The following MLLT3 variants were observed in gnomAD, a reference collection of about 807,000 sequenced individuals.
The protein encoded by MLLT3 is protein AF-9.
A neutral mutation model predicts 53.2 loss-of-function variants in MLLT3; 4 were observed. The observed-to-expected ratio is 0.08, with a 90% CI of 0.04 to 0.17. The LOEUF (loss-of-function observed/expected upper bound fraction) is 0.17. Among genes scored for constraint, MLLT3 ranks in the 10% least tolerant of loss-of-function variants. The probability of loss-of-function intolerance (pLI) is 1.00; values close to 1 mark genes in which losing one functional copy is unlikely to be tolerated. For missense variants in MLLT3, 569 were observed against 684.0 expected, an observed-to-expected ratio of 0.83 and a Z score of 1.87; for synonymous variants, 283 against 230.6, an observed-to-expected ratio of 1.23 and a Z score of -2.06.
rs541939524 is a variant in MLLT3 at position 20,344,707 on chromosome 9, AAC to A, written c.*1734_*1735del. 8.5e-4 allele frequency: 175 copies of A among 206,724 alleles called. No individual in the cohort carries two copies. The highest frequency in any genetic ancestry group is 3.1e-3 in the African/African-American group (138 of 44,044). 12.8% of individuals were successfully genotyped at this position (206,724 alleles called of 1,614,324 possible). ...AAAATAGTTTCTTTGGATAGAAAGA[AAC>A]AGTGTAAAAAATCCCCTTTTTAAAA... On this transcript the variant is annotated 3_prime_UTR_variant, in exon 11 of 11. Transcript: ENST00000380338.
intron 4 of MLLT3, among the ~76,000 whole-genome samples, chr9:20,419,768 G>A (rs1449389418): frequency 6.6e-6 from 1 of 152,108 alleles, no homozygotes; most frequent in Non-Finnish European, 1.5e-5. Context: ...ATCAACCACT[G>A]TCCCCGCCAA....
intron 2 of MLLT3, among the ~76,000 whole-genome samples, chr9:20,466,422 A>G (rs958025176): frequency 6.6e-6 from 1 of 152,200 alleles, no homozygotes; most frequent in Non-Finnish European, 1.5e-5. Flanking sequence ...GTTCAAACGC[A>G]TTTACATTAT....
chr9:20,524,466 T>C (rs1178278697), intron 2 of MLLT3, among the ~76,000 whole-genome samples: 1 of 151,916 alleles, frequency 6.6e-6, no homozygotes, highest in Non-Finnish European at 1.5e-5. Flanking sequence ...ATCAAAATCA[T>C]CTTCCATACT....
intron 2 of MLLT3, among the ~76,000 whole-genome samples, chr9:20,518,585 A>C (rs546335931): frequency 1.0e-3 from 152 of 152,308 alleles, no homozygotes; most frequent in Non-Finnish European, 1.6e-3. Context: ...CATAAAGATA[A>C]AATAAAATTT....
At chr9:20,351,023 G>A (rs1197844941) in intron 10 of MLLT3, among the ~76,000 whole-genome samples, 2 of 152,142 alleles carry the variant, frequency 1.3e-5, no homozygotes, top group Non-Finnish European at 2.9e-5. Flanking sequence ...ACTATGGTCT[G>A]GAAAGCACGG....
At chr9:20,556,683 AAAAT>A (rs893637628) in intron 2 of MLLT3, among the ~76,000 whole-genome samples, 2 of 152,084 alleles carry the variant, frequency 1.3e-5, no homozygotes, top group East Asian at 1.9e-4. Context: ...ACTCCATCTC[AAAAT>A]AAATAAATAA....
At chr9:20,417,310 T>C (rs1392731065) in intron 4 of MLLT3, among the ~76,000 whole-genome samples, 1 of 148,038 alleles carries the variant, frequency 6.8e-6, no homozygotes, top group African/African-American at 2.4e-5. Flanking sequence ...TGACACAGAT[T>C]AAAAGCTTTC....
chr9:20,370,739 G>C (rs371699825), intron 5 of MLLT3, among the ~76,000 whole-genome samples: 58 of 152,232 alleles, frequency 3.8e-4, no homozygotes, highest in Non-Finnish European at 7.9e-4. Context: ...TCGAACTCTT[G>C]ACCTCAGGTG....
chr9:20,397,986 C>G (rs1462061721), intron 5 of MLLT3, among the ~76,000 whole-genome samples: 1 of 152,146 alleles, frequency 6.6e-6, no homozygotes, highest in East Asian at 1.9e-4. Context: ...TTGTTTCTGT[C>G]ACTATGCTAG....
intron 2 of MLLT3, among the ~76,000 whole-genome samples, chr9:20,528,680 A>C (rs1224632613): frequency 1.3e-5 from 2 of 152,180 alleles, no homozygotes; most frequent in Admixed American, 6.5e-5. Context: ...GTGTCTGTCA[A>C]ATCTCACCCT....
chr9:20,407,296 C>CA (rs1488014105), intron 5 of MLLT3, among the ~76,000 whole-genome samples: 1 of 152,132 alleles, frequency 6.6e-6, no homozygotes, highest in Non-Finnish European at 1.5e-5. Flanking sequence ...ACTCTGGAAA[C>CA]AGAAAAATAA....
chr9:20,458,997 T>C (rs1824042062), intron 2 of MLLT3, among the ~76,000 whole-genome samples: 1 of 152,138 alleles, frequency 6.6e-6, no homozygotes, highest in African/African-American at 2.4e-5. Flanking sequence ...CTGGATTGAA[T>C]ATTCTCTAGA....
At chr9:20,594,716 T>C (rs1208988074) in intron 2 of MLLT3, among the ~76,000 whole-genome samples, 2 of 152,162 alleles carry the variant, frequency 1.3e-5, no homozygotes, top group Non-Finnish European at 2.9e-5. Flanking sequence ...AAGAAGGCGA[T>C]GAAAGTGACC....
intron 2 of MLLT3, among the ~76,000 whole-genome samples, chr9:20,500,917 T>C (rs989419475): frequency 2.0e-5 from 3 of 152,212 alleles, no homozygotes; most frequent in African/African-American, 7.2e-5. Flanking sequence ...GGTTACACTC[T>C]AGCCCTCCCA....
At chr9:20,447,114 T>C (rs1248724350) in intron 4 of MLLT3, among the ~76,000 whole-genome samples, 1 of 152,168 alleles carries the variant, frequency 6.6e-6, no homozygotes, top group African/African-American at 2.4e-5. Flanking sequence ...TTTCTCATAA[T>C]AGGAACAATA....
At chr9:20,374,028 AGTTTC>A (rs1453104694) in intron 5 of MLLT3, among the ~76,000 whole-genome samples, 1 of 151,832 alleles carries the variant, frequency 6.6e-6, no homozygotes, top group African/African-American at 2.4e-5. Flanking sequence ...CACCTCATTT[AGTTTC>A]TCCTCTGTAG....
At chr9:20,542,270 G>A (rs988865855) in intron 2 of MLLT3, among the ~76,000 whole-genome samples, 1 of 135,096 alleles carries the variant, frequency 7.4e-6, no homozygotes, top group Non-Finnish European at 1.5e-5. Context: ...TTGAGACGGA[G>A]TCTTGCTCTG....
At chr9:20,571,693 C>T (rs1404319013) in intron 2 of MLLT3, among the ~76,000 whole-genome samples, 1 of 152,012 alleles carries the variant, frequency 6.6e-6, no homozygotes, top group African/African-American at 2.4e-5. Flanking sequence ...ATGCAGAAAA[C>T]AACCTGATTT....
intron 4 of MLLT3, 128 bp downstream of exon 4, chr9:20,447,995 T>G (rs1823746209): frequency 2.1e-6 from 2 of 937,374 alleles, no homozygotes; most frequent in Non-Finnish European, 3.2e-6. Flanking sequence ...GCCATTAAGG[T>G]ACATCATTTC....
Sources: allele counts gnomAD v4.1 joint callset (sites outside exome capture counted in the v4.1 genomes callset), GRCh38; gene constraint gnomAD v4.1.1; transcripts MANE v1.5; gene names NCBI Gene and HGNC (gene_info 2026-07-23, HGNC 2026-07-21).